KLRG2: variants seen among roughly 807,000 people sequenced by gnomAD.
The protein encoded by KLRG2 is killer cell lectin like receptor G2.
In KLRG2, 39 loss-of-function variants were observed where a neutral mutation model predicts 35.4. That is an observed-to-expected ratio of 1.10 (90% CI 0.85 to 1.44). The LOEUF (loss-of-function observed/expected upper bound fraction) is 1.44. Among genes scored for constraint, KLRG2 ranks in the 40% most tolerant of loss-of-function variants. The probability of loss-of-function intolerance (pLI) is 0.00; values close to 1 mark genes in which losing one functional copy is unlikely to be tolerated. For missense variants in KLRG2, 632 were observed against 570.9 expected (o/e 1.11, Z -1.09); for synonymous variants, 283 against 265.8 (o/e 1.06, Z -0.63).
At chr7:139,455,991 C>A (rs959320613) in intron 3 of KLRG2, among the ~76,000 whole-genome samples, 1 of 151,482 alleles carries the variant, frequency 6.6e-6, no homozygotes, top group Admixed American at 6.6e-5. Flanking sequence ...TGTCATTATG[C>A]AGGAAAATGT....
At chr7:139,482,456 G>A (rs1166837916) in intron 1 of KLRG2, among the ~76,000 whole-genome samples, 1 of 151,948 alleles carries the variant, frequency 6.6e-6, no homozygotes, top group Non-Finnish European at 1.5e-5. Context: ...ACAATGGCAT[G>A]ATCTCGGCCC....
chr7:139,464,754 T>C (rs1465326250), intron 3 of KLRG2, among the ~76,000 whole-genome samples: 1 of 152,274 alleles, frequency 6.6e-6, no homozygotes, highest in Non-Finnish European at 1.5e-5. Context: ...TCTTTTAGCC[T>C]AGCCTTCATG....
intron 3 of KLRG2, among the ~76,000 whole-genome samples, chr7:139,456,113 G>A (rs770748258): frequency 5.9e-5 from 9 of 152,060 alleles, no homozygotes; most frequent in East Asian, 1.9e-4. Flanking sequence ...GGAGCAGAGC[G>A]GTATAAATGA....
At chr7:139,450,145 C>T (rs1166391885), downstream of KLRG2, among the ~76,000 whole-genome samples, 13 of 151,968 alleles carry the variant, frequency 8.6e-5, no homozygotes, top group Non-Finnish European at 1.5e-4. Context: ...CGGGTTCAAG[C>T]GATTCTCCTG....
chr7:139,452,075 TCTC>T (rs1796385375), downstream of KLRG2, among the ~76,000 whole-genome samples: 1 of 150,996 alleles, frequency 6.6e-6, no homozygotes, highest in East Asian at 2.0e-4. Context: ...TTCAAGCAAT[TCTC>T]CTGCCCCAGC....
the KLRG2 span, among the ~76,000 whole-genome samples, chr7:139,442,127 A>G: frequency 4.5e-4 from 69 of 152,322 alleles, no homozygotes; most frequent in African/African-American, 1.6e-3. Context: ...GGAGCAAAGC[A>G]TGACAGGATG....
intron 3 of KLRG2, among the ~76,000 whole-genome samples, chr7:139,469,390 C>A (rs1460841648): frequency 6.6e-6 from 1 of 152,128 alleles, no homozygotes; most frequent in Non-Finnish European, 1.5e-5. Context: ...GAACTCCTGA[C>A]CTCAAGTGAT....
chr7:139,479,504 C>T, intron 3 of KLRG2, 123 bp downstream of exon 3: 1 of 993,186 alleles, frequency 1.0e-6, no homozygotes, highest in Non-Finnish European at 1.5e-6. Context: ...TCATGCTACT[C>T]CTCTACACCT....
chr7:139,443,648 A>AC, the KLRG2 span, among the ~76,000 whole-genome samples: 44 of 150,874 alleles, frequency 2.9e-4, no homozygotes, highest in East Asian at 6.4e-3. Flanking sequence ...TGCAACCTCC[A>AC]CCTCCCGGGT....
At chr7:139,465,636 G>T (rs1164389826) in intron 3 of KLRG2, among the ~76,000 whole-genome samples, 1 of 150,666 alleles carries the variant, frequency 6.6e-6, no homozygotes. Context: ...AGCTTGCGGT[G>T]AGCCGAGATG....
chr7:139,455,489 T>C (rs1379457368), intron 3 of KLRG2, among the ~76,000 whole-genome samples: 4 of 151,918 alleles, frequency 2.6e-5, no homozygotes, highest in Non-Finnish European at 4.4e-5. Flanking sequence ...GCCTGGCTAA[T>C]TTTTTGTATT....
chr7:139,468,560 T>C (rs1796705457), intron 3 of KLRG2, among the ~76,000 whole-genome samples: 1 of 152,188 alleles, frequency 6.6e-6, no homozygotes, highest in Non-Finnish European at 1.5e-5. Context: ...CTGACTCTTT[T>C]TTCAGACTCA....
chr7:139,454,037 C>T, intron 4 of KLRG2, 74 bp downstream of exon 4: 2 of 961,000 alleles, frequency 2.1e-6, no homozygotes, highest in East Asian at 2.6e-5. Flanking sequence ...AGGGGAGCAG[C>T]AAGGAGGTGG....
In KLRG2 at chr7:139,483,535, C is replaced by A; in HGVS notation, c.108G>T (p.Ala36=). 6.3e-7 allele frequency: 1 copy of A among 1,598,980 alleles called. No homozygotes were observed. Among genetic ancestry groups the A allele is most frequent in the Non-Finnish European group, 8.5e-7 (1 of 1,178,842 alleles). ...CGGGACCTTCAGGTTGTCGCACCTT[C>A]GCGGGCACCTGCGGCTGCTCCAGCG... ...VPTLEQPQVP[A]KVRQPEGPES... The change falls in exon 1 of 5, where the codon GCG becomes GCT. Residue 36 remains alanine, a synonymous_variant. Transcript: ENST00000340940.
chr7:139,453,984 G>T (rs1480667399), intron 4 of KLRG2, 127 bp downstream of exon 4: 7 of 709,908 alleles, frequency 9.9e-6, no homozygotes, highest in Admixed American at 5.3e-5. Context: ...GCACCAGGCC[G>T]CGAGCATGGG....
At chr7:139,471,655 G>C (rs1341376509) in intron 3 of KLRG2, among the ~76,000 whole-genome samples, 1 of 151,540 alleles carries the variant, frequency 6.6e-6, no homozygotes, top group Non-Finnish European at 1.5e-5. Context: ...AGCGAGACTC[G>C]GTCTCAAAAA....
At chr7:139,479,562 C>T in intron 3 of KLRG2, 65 bp downstream of exon 3, 2 of 1,485,586 alleles carry the variant, frequency 1.3e-6, no homozygotes, top group South Asian at 1.2e-5. Flanking sequence ...AAGCTTCTTT[C>T]CAGTGCTAGG....
At chr7:139,445,765 A>G in the KLRG2 span, among the ~76,000 whole-genome samples, 3 of 118,768 alleles carry the variant, frequency 2.5e-5, 1 homozygote, top group African/African-American at 1.6e-4. Flanking sequence ...ATATATGTGT[A>G]TGTATATATA....
At chr7:139,440,266 C>T in the KLRG2 span, among the ~76,000 whole-genome samples, 1 of 150,612 alleles carries the variant, frequency 6.6e-6, no homozygotes, top group African/African-American at 2.5e-5. Flanking sequence ...TGTGCCACCA[C>T]ACCTGGCTAT....
Sources: gnomAD v4.1 joint callset for allele counts (sites outside exome capture counted in the v4.1 genomes callset) on GRCh38, gnomAD v4.1.1 for gene constraint, MANE v1.5 for transcripts, NCBI Gene and HGNC (gene_info 2026-07-23, HGNC 2026-07-21) for gene names.